MARS1: variants seen among roughly 807,000 people sequenced by gnomAD.
MARS1 encodes methionine--tRNA ligase, cytoplasmic.
A neutral mutation model predicts 119.5 loss-of-function variants in MARS1; 80 were observed. That is an observed-to-expected ratio of 0.67 (90% CI 0.56 to 0.81). The LOEUF (loss-of-function observed/expected upper bound fraction) is 0.81, where lower values mean the gene tolerates loss of function less well. Ranked by LOEUF, MARS1 falls within the 30% of genes least tolerant of loss-of-function variation. MARS1 has a pLI of 0.00. For missense variants in MARS1, 945 were observed against 1,116.5 expected, an observed-to-expected ratio of 0.85 and a Z score of 2.19; for synonymous variants, 418 against 433.4, an observed-to-expected ratio of 0.96 and a Z score of 0.44.
rs1565640254 is a variant in MARS1 at position 57,493,512 on chromosome 12, TA to T, written c.770+2870del. On this transcript the variant is annotated intron_variant, in intron 7 of 20. Coordinates refer to ENST00000262027, the MANE Select transcript of MARS1 (RefSeq NM_004990.4). ...ATAATATATTATAATATATAATATA[TA>T]ATATATAATATATTATAATATATAA... 7.0e-4 allele frequency among the ~76,000 whole-genome samples: 9 copies of T among 12,888 alleles called. 1 individual carries two copies. The highest frequency in any genetic ancestry group is 4.5e-3 in the Admixed American group (3 of 670). 8.5% of individuals were successfully genotyped at this position (12,888 alleles called of 152,430 possible). A position where few individuals can be genotyped will look rare whatever the true frequency, so the allele number is the denominator to read the frequency against.
Position 57,512,789 on chromosome 12 carries a change from C to T in MARS1, c.1792C>T (p.Arg598Cys), listed in dbSNP as rs764601965. 11 of 1,614,026 alleles carry T rather than the reference C, an allele frequency of 6.8e-6. No individual in the cohort carries two copies. Among genetic ancestry groups the T allele is most frequent in the South Asian group, 2.2e-5 (2 of 91,088 alleles). ...NYEDGKFSKS[R>C]GVGVFGDMAQ... Reference sequence around the variant, plus strand: ...TGAGGATGGGAAATTCTCTAAGAGCCGCGGTGTGGGAGTGTTTGGGGACAT... The same window carrying T: ...TGAGGATGGGAAATTCTCTAAGAGCTGCGGTGTGGGAGTGTTTGGGGACAT... Residue 598 changes from arginine to cysteine, a missense_variant, in exon 15 of 21, where the codon CGC becomes TGC. Physicochemically the swap from Arg to Cys is radical, Grantham distance 180 (BLOSUM62 -3). Coordinates refer to ENST00000262027, the MANE Select transcript of MARS1 (RefSeq NM_004990.4).
chr12:57,500,231 TGA>T, intron 9 of MARS1, 88 bp from the exon 10 acceptor site: 1 of 1,041,196 alleles, frequency 9.6e-7, no homozygotes, highest in South Asian at 1.3e-5. Context: ...TCTTTGTCAC[TGA>T]GTTTGGGTCC....
At chr12:57,495,947 G>C (rs1484494115) in intron 7 of MARS1, among the ~76,000 whole-genome samples, 7 of 152,254 alleles carry the variant, frequency 4.6e-5, no homozygotes, top group Admixed American at 4.6e-4. Context: ...CGAGATGGCG[G>C]CAGTACAGTC....
intron 7 of MARS1, among the ~76,000 whole-genome samples, chr12:57,493,292 GTA>G (rs575921357): frequency 2.7e-4 from 27 of 100,804 alleles, no homozygotes; most frequent in African/African-American, 4.4e-4. Flanking sequence ...CTTGTTTTGA[GTA>G]TATATATATA....
chr12:57,493,398 A>T (rs56986351), intron 7 of MARS1, among the ~76,000 whole-genome samples: 4 of 1,352 alleles, frequency 3.0e-3, no homozygotes, highest in Non-Finnish European at 0.01. Context: ...ATTATATATA[A>T]TATATGTTAT....
At chr12:57,498,337 C>T (rs1405626286) in intron 8 of MARS1, 64 bp downstream of exon 8, 1 of 1,594,600 alleles carries the variant, frequency 6.3e-7, no homozygotes, top group Non-Finnish European at 8.6e-7. Flanking sequence ...GAATAGGATG[C>T]TTCAAGGGTG....
intron 10 of MARS1, among the ~76,000 whole-genome samples, chr12:57,503,116 G>C (rs1877009009): frequency 6.6e-6 from 1 of 151,950 alleles, no homozygotes. Context: ...AAACTCGAAA[G>C]TTTTCATTCA....
At position 57,514,865 on chromosome 12, in the gene MARS1, A is replaced by G. The variant is rs1163206595; in HGVS notation, c.2099+14A>G. ...TGAGAAGGTTCGGTAAGTAACTGACACCTCTGTCTTTTCTGCTGGCATGTT... is the reference window on the plus strand; with the variant it reads ...TGAGAAGGTTCGGTAAGTAACTGACGCCTCTGTCTTTTCTGCTGGCATGTT... On this transcript the variant is annotated intron_variant, in intron 16 of 20. Transcript: ENST00000262027. 5.6e-6 allele frequency: 9 copies of G among 1,613,038 alleles called. No homozygotes were observed. The highest frequency in any genetic ancestry group is 6.8e-6 in the Non-Finnish European group (8 of 1,179,306).
chr12:57,488,445 G>A, intron 1 of MARS1: 7 of 940,066 alleles, frequency 7.4e-6, no homozygotes, highest in Non-Finnish European at 1.1e-5. Context: ...CCCGGTCCCC[G>A]CCTCACCCCA....
At chr12:57,491,311 C>G (rs1875944022) in intron 7 of MARS1, among the ~76,000 whole-genome samples, 2 of 152,176 alleles carry the variant, frequency 1.3e-5, no homozygotes, top group Admixed American at 6.5e-5. Context: ...ATCTCAAATT[C>G]AACATATCCA....
Position 57,493,912 on chromosome 12 carries a change from A to G in MARS1, c.770+3268A>G, listed in dbSNP as rs1416952715. 1.4e-3 allele frequency among the ~76,000 whole-genome samples: 103 copies of G among 72,322 alleles called. 8 individuals carry two copies. Among genetic ancestry groups the G allele is most frequent in the African/African-American group, 6.3e-3 (99 of 15,638 alleles). The allele number at this position is 72,322 out of a possible 152,430, so 47.4% of individuals were successfully genotyped here. A position where few individuals can be genotyped will look rare whatever the true frequency, so the allele number is the denominator to read the frequency against. On this transcript the variant is annotated intron_variant, in intron 7 of 20. Coordinates refer to ENST00000262027, the MANE Select transcript of MARS1 (RefSeq NM_004990.4). ...TATATATTTATGTTATATAATATAT[A>G]TAATATATATAATATATATTATATA... is the stretch of plus-strand genomic sequence containing the variant.
chr12:57,504,506 T>C (rs930031750), intron 11 of MARS1, among the ~76,000 whole-genome samples: 2 of 152,174 alleles, frequency 1.3e-5, no homozygotes, highest in African/African-American at 4.8e-5. Context: ...TACTTTTTCC[T>C]TTGTGTCTAT....
intron 9 of MARS1, among the ~76,000 whole-genome samples, chr12:57,499,683 G>A (rs1479875469): frequency 4.0e-5 from 6 of 151,526 alleles, no homozygotes; most frequent in South Asian, 2.1e-4. Flanking sequence ...GGTGGATCAC[G>A]AGGTCAGGAG....
chr12:57,513,049 A>G, intron 15 of MARS1, 85 bp downstream of exon 15: 1 of 1,150,094 alleles, frequency 8.7e-7, no homozygotes, highest in Non-Finnish European at 1.3e-6. Flanking sequence ...GGAGAGAACT[A>G]GAAAATGGGC....
chr12:57,489,480 T>A lies in MARS1; in HGVS notation c.336T>A (p.Asp112Glu). Reference protein sequence around the residue: ...YLVVQGKKGEDVLGSVRRALT... With the variant: ...YLVVQGKKGEEVLGSVRRALT... ...TGGTCCAAGGCAAGAAGGGGGAAGA[T>A]GTTCTTGGTTCAGTGCGGAGAGCCC... The change falls in exon 4 of 21, where the codon GAT becomes GAA. Residue 112 changes from aspartate to glutamate, a missense_variant. Physicochemically the swap from Asp to Glu is conservative, Grantham distance 45 (BLOSUM62 2). Transcript: ENST00000262027. 3 of 1,614,180 alleles carry A rather than the reference T, an allele frequency of 1.9e-6. No homozygotes were observed. Among genetic ancestry groups the A allele is most frequent in the Non-Finnish European group, 2.5e-6 (3 of 1,180,030 alleles).
At chr12:57,512,686 A>G (rs1877579233) in intron 14 of MARS1, 65 bp from the exon 15 acceptor site, 1 of 1,232,994 alleles carries the variant, frequency 8.1e-7, no homozygotes, top group Non-Finnish European at 1.2e-6. Flanking sequence ...AGGAAGAGTT[A>G]GTGGGCTAGA....
intron 2 of MARS1, 64 bp from the exon 3 acceptor site, chr12:57,489,203 G>T (rs766220004): frequency 1.3e-4 from 213 of 1,601,040 alleles, no homozygotes; most frequent in Non-Finnish European, 1.7e-4. Flanking sequence ...GTTTCCCTGT[G>T]TGATGAGAAA....
chr12:57,509,704 C>G (rs1877415423), intron 11 of MARS1, among the ~76,000 whole-genome samples: 1 of 152,154 alleles, frequency 6.6e-6, no homozygotes, highest in African/African-American at 2.4e-5. Context: ...GCCATCGTGC[C>G]TGGCCAGTTG....
At chr12:57,492,668 T>TTCTC (rs1416449750) in intron 7 of MARS1, among the ~76,000 whole-genome samples, 2 of 106,898 alleles carry the variant, frequency 1.9e-5, no homozygotes, top group African/African-American at 7.7e-5. Flanking sequence ...GCGACTCCAT[T>TTCTC]TCACACACAC....
Sources: gnomAD v4.1 joint callset for allele counts (sites outside exome capture counted in the v4.1 genomes callset) on GRCh38, gnomAD v4.1.1 for gene constraint, MANE v1.5 for transcripts, NCBI Gene and HGNC (gene_info 2026-07-23, HGNC 2026-07-21) for gene names.